Variants in TAF4 observed in about 807,000 individuals in gnomAD.
The protein encoded by TAF4 is transcription initiation factor TFIID subunit 4.
TAF4 carries 9 observed loss-of-function variants against 90.3 expected under a neutral mutation model. The observed-to-expected ratio is 0.10, with a 90% CI of 0.06 to 0.17. TAF4 has a LOEUF of 0.17. TAF4 is among the 10% of genes least tolerant of loss of function. The pLI is 1.00. For synonymous variants in TAF4, 818 were observed against 638.9 expected (o/e 1.28, Z -4.23); for missense variants, 1,351 against 1,370.7 (o/e 0.99, Z 0.23).
At chr20:62,004,384 T>C (rs1274840198) in intron 7 of TAF4, 1 of 148,440 alleles carries the variant, frequency 6.7e-6, no homozygotes, top group Non-Finnish European at 1.5e-5. Flanking sequence ...TGGAGTGTAG[T>C]GGCATGATCT....
chr20:61,985,567 G>A (rs1355860163), intron 14 of TAF4, among the ~76,000 whole-genome samples: 5 of 151,994 alleles, frequency 3.3e-5, no homozygotes, highest in Admixed American at 6.6e-5. Context: ...TAGTTAGCAC[G>A]TTTGTTTCTC....
chr20:61,985,217 G>A (rs1005590542), intron 14 of TAF4, among the ~76,000 whole-genome samples: 2 of 151,914 alleles, frequency 1.3e-5, no homozygotes, highest in African/African-American at 4.8e-5. Flanking sequence ...TGTCCTGCAG[G>A]TGAGTGACGG....
chr20:61,997,583 T>C lies in TAF4; in HGVS notation c.3057A>G (p.Lys1019=), dbSNP rs1438055994. The change falls in exon 14 of 15, where the codon AAA becomes AAG. Residue 1019 remains lysine (K), a synonymous_variant. Transcript: ENST00000252996. ...CTGAGCCCGGCCCCGGACAGTCCAC[T>C]TTCCTCTTTTTCCTGGGCCCGATCG... is the stretch of plus-strand genomic sequence containing the variant. ...LAAIGPRKKR[K]VDCPGPGSGA... is the part of the protein sequence containing the mutation. 6.2e-7 allele frequency: 1 copy of C among 1,613,638 alleles called. No homozygotes were observed. Among genetic ancestry groups the C allele is most frequent in the South Asian group, 1.1e-5 (1 of 90,986 alleles).
chr20:61,994,925 A>C (rs1027595183), intron 14 of TAF4, among the ~76,000 whole-genome samples: 1 of 152,210 alleles, frequency 6.6e-6, no homozygotes, highest in Non-Finnish European at 1.5e-5. Flanking sequence ...ATCACACCCT[A>C]GAGTAAGACC....
intron 1 of TAF4, among the ~76,000 whole-genome samples, chr20:62,018,134 G>A (rs953442491): frequency 5.0e-4 from 76 of 152,326 alleles, no homozygotes; most frequent in African/African-American, 1.6e-3. Context: ...TGTGAACCAA[G>A]CGCGAGTGGC....
intron 1 of TAF4, among the ~76,000 whole-genome samples, chr20:62,023,863 G>A (rs529916029): frequency 1.3e-5 from 2 of 151,514 alleles, no homozygotes; most frequent in Non-Finnish European, 1.5e-5. Context: ...CAGGCGGATC[G>A]CCTGAGGTCA....
At chr20:62,032,766 G>C (rs1268145938) in intron 1 of TAF4, among the ~76,000 whole-genome samples, 1 of 152,212 alleles carries the variant, frequency 6.6e-6, no homozygotes, top group Non-Finnish European at 1.5e-5. Context: ...TTGGCAGGGA[G>C]ACAGCAAAGC....
intron 1 of TAF4, among the ~76,000 whole-genome samples, chr20:62,018,875 A>G (rs2055827460): frequency 6.6e-6 from 1 of 152,244 alleles, no homozygotes; most frequent in Admixed American, 6.5e-5. Flanking sequence ...GATGGGGCAT[A>G]GCCCTGAAGG....
At chr20:62,039,698 GA>G (rs753726469) in intron 1 of TAF4, among the ~76,000 whole-genome samples, 3 of 152,148 alleles carry the variant, frequency 2.0e-5, no homozygotes, top group Non-Finnish European at 4.4e-5. Flanking sequence ...GCAGCTAAAA[GA>G]AAAGGCAAAC....
chr20:62,018,138 G>A (rs879736207), intron 1 of TAF4, among the ~76,000 whole-genome samples: 17 of 152,168 alleles, frequency 1.1e-4, no homozygotes, highest in Non-Finnish European at 1.6e-4. Context: ...AACCAAGCGC[G>A]AGTGGCCACG....
In TAF4 at chr20:62,034,827, C is replaced by CTTTTCTTTTTTTTTTTTTTT. The variant is rs555793597; in HGVS notation, c.1361-20121_1361-20120insAAAAAAAAAAAAAAAGAAAA. Among the ~76,000 whole-genome samples the CTTTTCTTTTTTTTTTTTTTT allele has an allele frequency of 1.2e-4, 17 of 141,866 alleles. No individual in the cohort carries two copies. In the East Asian group the frequency reaches 2.3e-3, roughly 19 times the overall value. 93.1% of individuals were successfully genotyped at this position (141,866 alleles called of 152,430 possible). On this transcript the variant is annotated intron_variant, in intron 1 of 14. Coordinates refer to ENST00000252996, the MANE Select transcript of TAF4 (RefSeq NM_003185.4). ...GATATAGTCACTATCTCATAGATTTCTTTTTTTTTTTGAGATGGAGTCTCG... is the reference window on the plus strand; with the variant it reads ...GATATAGTCACTATCTCATAGATTTCTTTTCTTTTTTTTTTTTTTTTTTTTTTTTTTGAGATGGAGTCTCG...
chr20:62,030,692 G>T (rs575186586), intron 1 of TAF4, among the ~76,000 whole-genome samples: 6 of 152,220 alleles, frequency 3.9e-5, no homozygotes, highest in South Asian at 2.1e-4. Context: ...ATAATTTTTT[G>T]AAAACAAATT....
At chr20:62,063,071 TA>T in intron 1 of TAF4, among the ~76,000 whole-genome samples, 1 of 152,130 alleles carries the variant, frequency 6.6e-6, no homozygotes, top group Admixed American at 6.5e-5. Flanking sequence ...AAAACACCCC[TA>T]CAAACGCTTC....
At position 61,975,122 on chromosome 20, in the gene TAF4, C is replaced by T. The variant is rs1026176554; in HGVS notation, c.*1046G>A. The T allele has an allele frequency of 6.6e-6, 1 of 152,184 alleles. No individual in the cohort carries two copies. The highest frequency in any genetic ancestry group is 1.5e-5 in the Non-Finnish European group (1 of 67,988). 9.4% of individuals were successfully genotyped at this position (152,184 alleles called of 1,614,324 possible). On this transcript the variant is annotated 3_prime_UTR_variant, in exon 15 of 15. Transcript: ENST00000252996. ...ATCAATAGACAATTTCATACAATAA[C>T]CTCTGAAAATAGAAAGAACCAATTA...
intron 1 of TAF4, among the ~76,000 whole-genome samples, chr20:62,049,852 C>CGACACCA (rs1178902568): frequency 6.6e-6 from 1 of 152,114 alleles, no homozygotes; most frequent in African/African-American, 2.4e-5. Context: ...GCAGGTTTCA[C>CGACACCA]GACACCATCG....
chr20:62,024,597 G>A (rs1374223673), intron 1 of TAF4, among the ~76,000 whole-genome samples: 1 of 152,116 alleles, frequency 6.6e-6, no homozygotes, highest in East Asian at 1.9e-4. Context: ...GGTTGGGCGT[G>A]GTGGCTCATG....
intron 1 of TAF4, among the ~76,000 whole-genome samples, chr20:62,035,298 G>A (rs1210911551): frequency 2.0e-5 from 3 of 152,184 alleles, no homozygotes; most frequent in African/African-American, 4.8e-5. Context: ...ACCTCTAGTA[G>A]ATATCAAGAA....
intron 1 of TAF4, among the ~76,000 whole-genome samples, chr20:62,055,095 C>G (rs531962555): frequency 5.9e-5 from 9 of 152,368 alleles, no homozygotes; most frequent in Non-Finnish European, 1.0e-4. Context: ...AGCTTCAAAC[C>G]CTCAATGGCT....
At chr20:62,046,154 T>G (rs953515038) in intron 1 of TAF4, among the ~76,000 whole-genome samples, 1 of 152,190 alleles carries the variant, frequency 6.6e-6, no homozygotes, top group African/African-American at 2.4e-5. Flanking sequence ...CATAACTGCC[T>G]TTCCTTCCCC....
Sources: gnomAD v4.1 joint callset for allele counts (sites outside exome capture counted in the v4.1 genomes callset) on GRCh38, gnomAD v4.1.1 for gene constraint, MANE v1.5 for transcripts, NCBI Gene and HGNC (gene_info 2026-07-23, HGNC 2026-07-21) for gene names.